Variants in MEIS2 observed in about 807,000 individuals in gnomAD.
MEIS2 encodes the protein Meis homeobox 2, also known as homeobox protein Meis2.
In MEIS2, 9 loss-of-function variants were observed where a neutral mutation model predicts 58.6. The observed-to-expected ratio is 0.15, with a 90% CI of 0.09 to 0.27. The LOEUF (loss-of-function observed/expected upper bound fraction) is 0.27. Ranked by LOEUF, MEIS2 falls within the 10% of genes least tolerant of loss-of-function variation. The probability of loss-of-function intolerance (pLI) is 1.00; values close to 1 mark genes in which losing one functional copy is unlikely to be tolerated. For missense variants in MEIS2, 427 were observed against 635.0 expected (o/e 0.67, Z 3.52); for synonymous variants, 221 against 228.4 (o/e 0.97, Z 0.29).
At chr15:36,972,411 C>G (rs1237901211) in intron 8 of MEIS2, among the ~76,000 whole-genome samples, 1 of 152,048 alleles carries the variant, frequency 6.6e-6, no homozygotes, top group Admixed American at 6.6e-5. Flanking sequence ...AGTGGCTTTC[C>G]ATTATTTTCA....
chr15:37,004,179 AC>A (rs1210860830), intron 8 of MEIS2, among the ~76,000 whole-genome samples: 1 of 152,166 alleles, frequency 6.6e-6, no homozygotes, highest in Non-Finnish European at 1.5e-5. Flanking sequence ...AAAGCTAAAA[AC>A]AGGGAAAAAA....
chr15:36,985,183 TATC>T (rs1445423143), intron 8 of MEIS2, among the ~76,000 whole-genome samples: 1 of 152,186 alleles, frequency 6.6e-6, no homozygotes, highest in Non-Finnish European at 1.5e-5. Flanking sequence ...CTGTTGTTCA[TATC>T]ATCACTTTCC....
intron 6 of MEIS2, among the ~76,000 whole-genome samples, chr15:37,084,868 G>A (rs890022670): frequency 6.6e-6 from 1 of 152,112 alleles, no homozygotes; most frequent in Admixed American, 6.6e-5. Flanking sequence ...CGGAGAGGAG[G>A]AACAGCATAC....
At chr15:36,928,470 G>A (rs1238494923) in intron 9 of MEIS2, among the ~76,000 whole-genome samples, 1 of 152,170 alleles carries the variant, frequency 6.6e-6, no homozygotes, top group Non-Finnish European at 1.5e-5. Context: ...AGTTAATAGT[G>A]AGGCCAGATG....
At chr15:37,012,370 T>C (rs1204168884) in intron 8 of MEIS2, among the ~76,000 whole-genome samples, 1 of 152,212 alleles carries the variant, frequency 6.6e-6, no homozygotes, top group Non-Finnish European at 1.5e-5. Context: ...AAGAAAGAAG[T>C]GAATGAAGAG....
At chr15:36,923,802 A>AAGGGAACACAC (rs2057623339) in intron 9 of MEIS2, among the ~76,000 whole-genome samples, 1 of 152,208 alleles carries the variant, frequency 6.6e-6, no homozygotes, top group Non-Finnish European at 1.5e-5. Flanking sequence ...TGACACACTC[A>AAGGGAACACAC]AAAGGGAAGC....
chr15:37,098,102 T>A lies in MEIS2; in HGVS notation c.110A>T (p.His37Leu), dbSNP rs754593480. 30 of 1,613,308 alleles carry A rather than the reference T, an allele frequency of 1.9e-5. No individual in the cohort carries two copies. Among genetic ancestry groups the A allele is most frequent in the Non-Finnish European group, 2.4e-5 (28 of 1,179,864 alleles). The change falls in exon 2 of 12, where the codon CAC becomes CTC. Residue 37 changes from histidine to leucine, a missense_variant. His to Leu is a moderately conservative substitution (Grantham distance 99). This residue lies in a region of MEIS2 where 103 missense variants were observed against 111.8 expected (regional missense o/e 0.92). Transcript: ENST00000561208. Reference protein sequence around the residue: ...PHAPRPIPPVHHLNHGPPLHA... With the variant: ...PHAPRPIPPVLHLNHGPPLHA... ...GAGCGGCGGCCCGTGGTTCAGGTGG[T>A]GAACCGGGGGGATCGGCCGCGGCGC... is the stretch of plus-strand genomic sequence containing the variant.
At chr15:36,943,278 G>A (rs1475665774) in intron 9 of MEIS2, among the ~76,000 whole-genome samples, 1 of 152,088 alleles carries the variant, frequency 6.6e-6, no homozygotes, top group Admixed American at 6.6e-5. Flanking sequence ...TGCCAATTGA[G>A]ATGGATAAAG....
chr15:37,020,176 C>G (rs566031806), intron 8 of MEIS2, among the ~76,000 whole-genome samples: 1 of 152,058 alleles, frequency 6.6e-6, no homozygotes, highest in Non-Finnish European at 1.5e-5. Context: ...CTGTGGAGAG[C>G]GGGGTTTGCC....
intron 6 of MEIS2, among the ~76,000 whole-genome samples, chr15:37,093,366 T>A (rs1893790903): frequency 1.3e-5 from 2 of 152,152 alleles, no homozygotes; most frequent in African/African-American, 4.8e-5. Context: ...TCAACTCTGG[T>A]TTTTTGGCTC....
chr15:37,099,015 A>AGCGGCGGCCCCG (rs1023778467), intron 1 of MEIS2: 5 of 983,332 alleles, frequency 5.1e-6, no homozygotes, highest in South Asian at 9.1e-5. Flanking sequence ...GCGCGGCCCC[A>AGCGGCGGCCCCG]GCGGCGGCCC....
Position 37,083,690 on chromosome 15 carries a change from G to A in MEIS2, c.754+81C>T, listed in dbSNP as rs534057186. On this transcript the variant is annotated intron_variant, in intron 7 of 11. Coordinates refer to ENST00000561208, the MANE Select transcript of MEIS2 (RefSeq NM_170675.5). ...CCTGCCACTCTCCTGTTTACATGGC[G>A]GCAGATGTACTGATATCATAAAATA... 75 of 1,106,216 alleles carry A rather than the reference G, an allele frequency of 6.8e-5. No individual in the cohort carries two copies. In the African/African-American group the frequency reaches 8.9e-4, roughly 13 times the overall value. 68.5% of individuals were successfully genotyped at this position (1,106,216 alleles called of 1,614,324 possible).
At chr15:37,078,365 G>C (rs916865666) in intron 7 of MEIS2, among the ~76,000 whole-genome samples, 6 of 149,890 alleles carry the variant, frequency 4.0e-5, no homozygotes, top group African/African-American at 1.5e-4. Flanking sequence ...ACTTATTATC[G>C]AGATTTTACT....
Position 37,100,519 on chromosome 15 carries a change from C to G in MEIS2, c.-1053G>C, listed in dbSNP as rs1025964704. The stretch of plus-strand genomic sequence containing the variant: ...GGGAGCGGGAGCGAGGAGGAGCGCG[C>G]CGCGCCGAGCCTCTGATATGCAACG... On this transcript the variant is annotated 5_prime_UTR_variant, in exon 1 of 12. Coordinates refer to ENST00000561208, the MANE Select transcript of MEIS2 (RefSeq NM_170675.5). 1 of 150,100 alleles carries G rather than the reference C, an allele frequency of 6.7e-6. No individual in the cohort carries two copies. Among genetic ancestry groups the G allele is most frequent in the Admixed American group, 6.6e-5 (1 of 15,096 alleles). The allele number at this position is 150,100 out of a possible 1,614,324, so 9.3% of individuals were successfully genotyped here.
intron 8 of MEIS2, among the ~76,000 whole-genome samples, chr15:36,986,225 C>T (rs2060088762): frequency 6.6e-6 from 1 of 152,156 alleles, no homozygotes; most frequent in African/African-American, 2.4e-5. Context: ...CATAATCTTG[C>T]CTTCTGTATT....
chr15:36,894,857 T>C, intron 11 of MEIS2: 1 of 1,422,806 alleles, frequency 7.0e-7, no homozygotes, highest in Non-Finnish European at 9.9e-7. Flanking sequence ...AAATCAGCAA[T>C]AATTGATGGT....
chr15:36,934,209 G>T (rs2058081760), intron 9 of MEIS2, among the ~76,000 whole-genome samples: 1 of 151,390 alleles, frequency 6.6e-6, no homozygotes, highest in Non-Finnish European at 1.5e-5. Flanking sequence ...ATAATTATAT[G>T]AACAGTTGAA....
chr15:37,059,022 T>A (rs4923737), intron 7 of MEIS2, among the ~76,000 whole-genome samples: 17,837 of 152,212 alleles, frequency 0.12, 1,193 homozygotes, highest in African/African-American at 0.16. Flanking sequence ...ATGCATATAT[T>A]CACTTGTATT....
intron 11 of MEIS2, chr15:36,894,594 G>A: frequency 1.4e-6 from 1 of 704,376 alleles, no homozygotes; most frequent in South Asian, 1.9e-5. Flanking sequence ...TTTAAAAACA[G>A]GTCCTTAGTT....
Sources: gnomAD v4.1 joint callset for allele counts (sites outside exome capture counted in the v4.1 genomes callset) on GRCh38, gnomAD v4.1.1 for gene constraint, gnomAD v4.1.1 regional missense constraint, MANE v1.5 for transcripts, NCBI Gene and HGNC (gene_info 2026-07-23, HGNC 2026-07-21) for gene names.